Variants in PPM1B observed in about 807,000 individuals in gnomAD.
The protein encoded by PPM1B is protein phosphatase 1B.
In PPM1B, 22 loss-of-function variants were observed where a neutral mutation model predicts 43.0. That is an observed-to-expected ratio of 0.51 (90% confidence interval 0.37 to 0.73). The LOEUF is 0.73. Ranked by LOEUF, PPM1B falls within the 30% of genes least tolerant of loss-of-function variation. The pLI is 0.00. For missense variants in PPM1B, 632 were observed against 584.2 expected, an observed-to-expected ratio of 1.08 and a Z score of -0.84; for synonymous variants, 217 against 197.9, an observed-to-expected ratio of 1.10 and a Z score of -0.81.
chr2:44,225,544 T>G (rs1302861660), intron 5 of PPM1B, among the ~76,000 whole-genome samples: 1 of 152,238 alleles, frequency 6.6e-6, no homozygotes, highest in Non-Finnish European at 1.5e-5. Context: ...AAAATGACTT[T>G]TAAGTGTGGT....
chr2:44,246,324 C>G (rs1053167157), downstream of PPM1B, among the ~76,000 whole-genome samples: 1 of 152,142 alleles, frequency 6.6e-6, no homozygotes, highest in African/African-American at 2.4e-5. Flanking sequence ...TTTGGTTAAC[C>G]TATTTTGCAG....
rs76181938 is a variant in PPM1B, at chr2:44,215,617, T to C, written c.965-2350T>C. On this transcript the variant is annotated intron_variant, in intron 3 of 5. Transcript: ENST00000282412. ...CTGTGTGTATGCTTTTAATGATGAC[T>C]GGTCAGGTGGGAAAGGAATAATATT... Among the ~76,000 whole-genome samples, 1,102 of 152,292 alleles carry C rather than the reference T, an allele frequency of 7.2e-3. 10 individuals carry two copies. The highest frequency in any genetic ancestry group is 0.025 in the African/African-American group (1,040 of 41,546).
intron 1 of PPM1B, among the ~76,000 whole-genome samples, chr2:44,169,900 C>T (rs1667241576): frequency 6.6e-6 from 1 of 152,088 alleles, no homozygotes; most frequent in Non-Finnish European, 1.5e-5. Context: ...TTAATTGAAA[C>T]TGCCACTTAT....
chr2:44,186,114 G>A (rs1668106287), intron 1 of PPM1B, among the ~76,000 whole-genome samples: 1 of 152,000 alleles, frequency 6.6e-6, no homozygotes, highest in Non-Finnish European at 1.5e-5. Flanking sequence ...GTCCTGGAAT[G>A]GTGTTATTAG....
intron 2 of PPM1B, among the ~76,000 whole-genome samples, chr2:44,206,291 GTC>G (rs1210983327): frequency 6.6e-6 from 1 of 152,080 alleles, no homozygotes; most frequent in Non-Finnish European, 1.5e-5. Context: ...AGGATGTTTT[GTC>G]TCTAAAAAAC....
intron 5 of PPM1B, among the ~76,000 whole-genome samples, chr2:44,226,936 A>T (rs908919414): frequency 2.7e-5 from 3 of 112,782 alleles, no homozygotes; most frequent in South Asian, 2.7e-4. Context: ...GAAACTTTTT[A>T]TTTATTTATT....
At chr2:44,216,737 C>A (rs1328653718) in intron 3 of PPM1B, among the ~76,000 whole-genome samples, 1 of 151,868 alleles carries the variant, frequency 6.6e-6, no homozygotes, top group Admixed American at 6.6e-5. Context: ...ACCAGCCTGG[C>A]CAACATGGTG....
intron 3 of PPM1B, among the ~76,000 whole-genome samples, chr2:44,215,124 T>C (rs753777470): frequency 6.6e-6 from 1 of 152,216 alleles, no homozygotes; most frequent in Non-Finnish European, 1.5e-5. Flanking sequence ...CAAATAGTTA[T>C]TATTAATCAG....
chr2:44,221,037 C>T (rs1669956138), intron 5 of PPM1B, among the ~76,000 whole-genome samples: 2 of 152,072 alleles, frequency 1.3e-5, no homozygotes, highest in African/African-American at 4.8e-5. Flanking sequence ...GGGTAATGGA[C>T]CACCTTATGT....
chr2:44,226,507 C>G (rs1223339991), intron 5 of PPM1B, among the ~76,000 whole-genome samples: 4 of 152,158 alleles, frequency 2.6e-5, no homozygotes, highest in African/African-American at 9.7e-5. Flanking sequence ...CAGTGATTCT[C>G]AACCCTGGCT....
chr2:44,231,949 T>A (rs909061296), downstream of PPM1B, among the ~76,000 whole-genome samples: 2 of 152,376 alleles, frequency 1.3e-5, no homozygotes, highest in Middle Eastern at 6.8e-3. Flanking sequence ...TTTTCGTCTT[T>A]ACGTTTATAT....
At chr2:44,217,206 C>T (rs1669760843) in intron 3 of PPM1B, among the ~76,000 whole-genome samples, 2 of 152,084 alleles carry the variant, frequency 1.3e-5, no homozygotes, top group Non-Finnish European at 2.9e-5. Context: ...TTGAGATCAG[C>T]CTGACCAACA....
At chr2:44,188,788 T>TTCCG (rs1553328945) in intron 1 of PPM1B, among the ~76,000 whole-genome samples, 1 of 140,284 alleles carries the variant, frequency 7.1e-6, no homozygotes, top group East Asian at 2.6e-4. Context: ...CCTTCCCTCC[T>TTCCG]TCCCTCCCCT....
chr2:44,174,545 T>G (rs1214998909), intron 1 of PPM1B, among the ~76,000 whole-genome samples: 1 of 152,236 alleles, frequency 6.6e-6, no homozygotes, highest in Admixed American at 6.5e-5. Flanking sequence ...TATAGAAAAC[T>G]TTTAAAATGC....
At chr2:44,172,828 G>T (rs1047504296) in intron 1 of PPM1B, among the ~76,000 whole-genome samples, 21 of 152,162 alleles carry the variant, frequency 1.4e-4, no homozygotes, top group Non-Finnish European at 3.1e-4. Flanking sequence ...GATCGCTTGA[G>T]CCAGGGAGGT....
chr2:44,170,329 CATG>C (rs1667271465), intron 1 of PPM1B, among the ~76,000 whole-genome samples: 1 of 152,208 alleles, frequency 6.6e-6, no homozygotes, highest in Non-Finnish European at 1.5e-5. Flanking sequence ...ATAGGCTCCA[CATG>C]TTTAATGTAT....
chr2:44,230,783 C>A lies in PPM1B; in HGVS notation c.*65C>A. 1 of 1,533,708 alleles carries A rather than the reference C, an allele frequency of 6.5e-7. No homozygotes were observed. Among genetic ancestry groups the A allele is most frequent in the Non-Finnish European group, 8.8e-7 (1 of 1,141,428 alleles). On this transcript the variant is annotated 3_prime_UTR_variant, in exon 6 of 6. Coordinates refer to ENST00000282412, the MANE Select transcript of PPM1B (RefSeq NM_002706.6). ...TTTAACCTAGGAAGTGTAATGTATG[C>A]ATTTATATAACTGTTTTGTTATTTG...
intron 1 of PPM1B, among the ~76,000 whole-genome samples, chr2:44,173,567 A>AT (rs893502863): frequency 1.4e-4 from 22 of 152,162 alleles, no homozygotes; most frequent in African/African-American, 5.3e-4. Flanking sequence ...GCTTAAATAC[A>AT]TTTTTTTCTT....
intron 5 of PPM1B, among the ~76,000 whole-genome samples, chr2:44,220,695 C>T (rs889998888): frequency 3.9e-5 from 6 of 152,154 alleles, no homozygotes; most frequent in Non-Finnish European, 7.4e-5. Context: ...CAAAATATTT[C>T]GTATAGCTTG....
Sources: allele counts gnomAD v4.1 joint callset (sites outside exome capture counted in the v4.1 genomes callset), GRCh38; gene constraint gnomAD v4.1.1; transcripts MANE v1.5; gene names NCBI Gene and HGNC (gene_info 2026-07-23, HGNC 2026-07-21).